SGCD: variants seen among roughly 807,000 people sequenced by gnomAD.
SGCD encodes sarcoglycan delta.
In SGCD, 18 loss-of-function variants were observed where a neutral mutation model predicts 36.6. The observed-to-expected ratio is 0.49, with a 90% CI of 0.34 to 0.73. The LOEUF (loss-of-function observed/expected upper bound fraction) is 0.73, where lower values mean the gene tolerates loss of function less well. Ranked by LOEUF, SGCD falls within the 30% of genes least tolerant of loss-of-function variation. The pLI, the probability that SGCD is intolerant of heterozygous loss-of-function variation, is 0.01. For missense variants in SGCD, 387 were observed against 346.7 expected, an observed-to-expected ratio of 1.12 and a Z score of -0.92; for synonymous variants, 133 against 130.6, an observed-to-expected ratio of 1.02 and a Z score of -0.12.
At chr5:156,306,742 A>T (rs1215964879) in intron 3 of SGCD, among the ~76,000 whole-genome samples, 2 of 152,152 alleles carry the variant, frequency 1.3e-5, no homozygotes, top group Non-Finnish European at 2.9e-5. Context: ...TCTGGTGAAG[A>T]TGCTCTCTTG....
At position 156,462,700 on chromosome 5, in the gene SGCD, T is replaced by C. The variant is rs1317073012; in HGVS notation, c.193-45901T>C. Among the ~76,000 whole-genome samples, 5 of 152,326 alleles carry C rather than the reference T, an allele frequency of 3.3e-5. No homozygotes were observed. In the East Asian group the frequency reaches 9.6e-4, roughly 29 times the overall value. On this transcript the variant is annotated intron_variant, in intron 3 of 8. Coordinates refer to ENST00000337851, the MANE Select transcript of SGCD (RefSeq NM_000337.6). ...CAAGTGTTTAGAATATACAGATTTT[T>C]CTTTATTCTCATAGTGAAATTCTCA... is the stretch of plus-strand genomic sequence containing the variant.
At chr5:155,753,055 C>T in the SGCD span, among the ~76,000 whole-genome samples, 21 of 152,090 alleles carry the variant, frequency 1.4e-4, no homozygotes, top group South Asian at 4.1e-3. Context: ...GAAATGATCT[C>T]GGCCGGGCGC....
chr5:156,441,556 G>C (rs1364224622), intron 3 of SGCD, among the ~76,000 whole-genome samples: 2 of 152,138 alleles, frequency 1.3e-5, no homozygotes, highest in South Asian at 2.1e-4. Flanking sequence ...CAGTGGTTCT[G>C]CATTGTCTAT....
At chr5:156,326,507 A>C (rs1767819473), upstream of SGCD, among the ~76,000 whole-genome samples, 1 of 152,234 alleles carries the variant, frequency 6.6e-6, no homozygotes, top group Non-Finnish European at 1.5e-5. Context: ...TGTACATATC[A>C]GGTTGAGGGG....
chr5:156,166,362 G>A (rs2127620230), intron 3 of SGCD, among the ~76,000 whole-genome samples: 1 of 152,144 alleles, frequency 6.6e-6, no homozygotes, highest in South Asian at 2.1e-4. Context: ...TGTCACCCAG[G>A]CTGGAGCGCA....
At chr5:155,929,314 A>C (rs1432852976) in intron 1 of SGCD, among the ~76,000 whole-genome samples, 3 of 152,212 alleles carry the variant, frequency 2.0e-5, no homozygotes, top group Admixed American at 6.5e-5. Flanking sequence ...TGAGGGGATA[A>C]CTGCAGGAAT....
At chr5:156,617,818 C>G (rs1004706626) in intron 6 of SGCD, among the ~76,000 whole-genome samples, 2 of 152,106 alleles carry the variant, frequency 1.3e-5, no homozygotes, top group African/African-American at 4.8e-5. Context: ...CTGGTACATC[C>G]TCAGAAGTCC....
intron 1 of SGCD, among the ~76,000 whole-genome samples, chr5:155,911,402 G>A (rs892806089): frequency 6.6e-6 from 1 of 150,634 alleles, no homozygotes; most frequent in African/African-American, 2.4e-5. Context: ...AATATAAATG[G>A]GATGAAATCT....
chr5:156,065,347 T>C (rs1760313232), intron 1 of SGCD, among the ~76,000 whole-genome samples: 1 of 112,240 alleles, frequency 8.9e-6, no homozygotes, highest in South Asian at 2.6e-4. Context: ...AGGAGAGCTT[T>C]ACTTCCAACT....
At chr5:156,594,818 G>C in intron 5 of SGCD, 114 bp from the exon 6 acceptor site, 1 of 678,384 alleles carries the variant, frequency 1.5e-6, no homozygotes, top group Non-Finnish European at 2.5e-6. Flanking sequence ...AATCTTGTTA[G>C]ATATGTGTGT....
intron 3 of SGCD, among the ~76,000 whole-genome samples, chr5:156,356,437 G>A (rs771846257): frequency 7.9e-5 from 12 of 152,202 alleles, no homozygotes; most frequent in Non-Finnish European, 1.5e-4. Flanking sequence ...TGCCCTTAAC[G>A]TGGTTGCTAA....
At chr5:156,300,063 G>A (rs988248515) in intron 3 of SGCD, among the ~76,000 whole-genome samples, 2 of 151,974 alleles carry the variant, frequency 1.3e-5, no homozygotes, top group African/African-American at 2.4e-5. Flanking sequence ...AATACTACCT[G>A]TGGGTCTGTC....
At chr5:155,802,083 A>G in the SGCD span, among the ~76,000 whole-genome samples, 1 of 152,146 alleles carries the variant, frequency 6.6e-6, no homozygotes, top group East Asian at 1.9e-4. Flanking sequence ...GCCTGACCCA[A>G]GCTGGGTCAG....
At chr5:156,267,546 A>G (rs1311561894) in intron 3 of SGCD, among the ~76,000 whole-genome samples, 1 of 152,140 alleles carries the variant, frequency 6.6e-6, no homozygotes, top group Non-Finnish European at 1.5e-5. Flanking sequence ...CAAAGCTCCA[A>G]TTTCCCTCCC....
chr5:156,362,004 A>C (rs1353226974), intron 3 of SGCD, among the ~76,000 whole-genome samples: 1 of 152,220 alleles, frequency 6.6e-6, no homozygotes, highest in African/African-American at 2.4e-5. Context: ...AGAGCTGGGC[A>C]AGATTTTAGG....
intron 4 of SGCD, among the ~76,000 whole-genome samples, chr5:156,512,191 CA>C (rs759345867): frequency 0.055 from 3,677 of 66,804 alleles, 23 homozygotes; most frequent in African/African-American, 0.092. Context: ...GACTCTGTCT[CA>C]AAAAAAAAAA....
At chr5:156,431,279 G>T (rs551148522) in intron 3 of SGCD, among the ~76,000 whole-genome samples, 3 of 151,096 alleles carry the variant, frequency 2.0e-5, no homozygotes, top group African/African-American at 7.4e-5. Flanking sequence ...TTCTCATGCA[G>T]GTCTGACTCA....
chr5:155,868,479 T>C (rs186366372), upstream of SGCD, among the ~76,000 whole-genome samples: 1 of 151,366 alleles, frequency 6.6e-6, no homozygotes, highest in African/African-American at 2.4e-5. Context: ...CTGTGAGGCT[T>C]ACAGGTTTGA....
chr5:156,388,464 G>A (rs149409184), intron 3 of SGCD, among the ~76,000 whole-genome samples: 1 of 152,318 alleles, frequency 6.6e-6, no homozygotes, highest in African/African-American at 2.4e-5. Flanking sequence ...TGCCCAATCA[G>A]TTGTTATTTC....
Sources: allele counts gnomAD v4.1 joint callset (sites outside exome capture counted in the v4.1 genomes callset), GRCh38; gene constraint gnomAD v4.1.1; transcripts MANE v1.5; gene names NCBI Gene and HGNC (gene_info 2026-07-23, HGNC 2026-07-21).